The following ERCC6 variants were observed in gnomAD, a reference collection of about 807,000 sequenced individuals.
ERCC6 encodes DNA excision repair protein ERCC-6.
In ERCC6, 116 loss-of-function variants were observed where a neutral mutation model predicts 158.7. The ratio of observed to expected loss-of-function variants is 0.73; its 90% CI spans 0.63 to 0.85. ERCC6 has a LOEUF of 0.85. Among genes scored for constraint, ERCC6 ranks in the 40% least tolerant of loss-of-function variants. ERCC6 has a pLI of 0.00. For synonymous variants in ERCC6, 678 were observed against 659.3 expected (o/e 1.03, Z -0.43); for missense variants, 1,698 against 1,799.4 (o/e 0.94, Z 1.02).
At position 49,524,076 on chromosome 10, in the gene ERCC6, A is replaced by G. The variant is rs762176711; in HGVS notation, c.1354T>C (p.Tyr452His). Residue 452 changes from tyrosine (Y) to histidine (H), a missense_variant, in exon 5 of 21, where the codon TAC becomes CAC. Physicochemically the swap from Tyr to His is moderately conservative, Grantham distance 83. Coordinates refer to ENST00000355832, the MANE Select transcript of ERCC6 (RefSeq NM_000124.4). ...TAATCTTCATCTCCATCATCTCGGT[A>G]TCTTCCCACTTTCCGACCTCCTCCT... The part of the protein sequence containing the change: ...GGGGGRKVGR[Y>H]RDDGDEDYYK... 1.2e-6 allele frequency: 2 copies of G among 1,613,720 alleles called. No individual in the cohort carries two copies. Among genetic ancestry groups the G allele is most frequent in the African/African-American group, 1.3e-5 (1 of 74,884 alleles).
At chr10:49,515,933 T>A in intron 5 of ERCC6, 3 of 1,614,176 alleles carry the variant, frequency 1.9e-6, no homozygotes, top group Non-Finnish European at 2.5e-6. Flanking sequence ...TGCCTCTTTC[T>A]TTTTTCTTTA....
chr10:49,508,604 A>T (rs1851484182), intron 5 of ERCC6, among the ~76,000 whole-genome samples: 1 of 152,228 alleles, frequency 6.6e-6, no homozygotes, highest in Non-Finnish European at 1.5e-5. Context: ...TATTTGTATC[A>T]TTGTGAAGAC....
At chr10:49,486,018 C>T (rs1851072350) in intron 8 of ERCC6, among the ~76,000 whole-genome samples, 1 of 152,046 alleles carries the variant, frequency 6.6e-6, no homozygotes, top group South Asian at 2.1e-4. Context: ...AAAGGGCAGG[C>T]TTAGCAATGT....
chr10:49,472,887 TA>T (rs763535359), intron 15 of ERCC6, 21 bp downstream of exon 15: 564 of 1,505,396 alleles, frequency 3.7e-4, no homozygotes, highest in Admixed American at 8.9e-4. Context: ...TACATTCTTT[TA>T]AAAAAAAAAT....
At chr10:49,435,029 C>T in the ERCC6 span, among the ~76,000 whole-genome samples, 1 of 152,048 alleles carries the variant, frequency 6.6e-6, no homozygotes, top group African/African-American at 2.4e-5. Context: ...CAAAAGAGAA[C>T]AGTTCTAGCT....
chr10:49,512,033 A>G (rs1836830464), intron 5 of ERCC6, among the ~76,000 whole-genome samples: 1 of 152,218 alleles, frequency 6.6e-6, no homozygotes, highest in East Asian at 1.9e-4. Flanking sequence ...ATGCTATAAC[A>G]GTTGGCAGAT....
intron 1 of ERCC6, among the ~76,000 whole-genome samples, chr10:49,538,543 C>T (rs1196503676): frequency 6.6e-6 from 1 of 152,176 alleles, no homozygotes. Flanking sequence ...CATTTACAGG[C>T]GGCCTGCCTC....
At chr10:49,491,301 C>T (rs1454031766) in intron 8 of ERCC6, among the ~76,000 whole-genome samples, 1 of 152,130 alleles carries the variant, frequency 6.6e-6, no homozygotes, top group African/African-American at 2.4e-5. Context: ...TTTTGCCTAA[C>T]AGTTTACATC....
At chr10:49,501,082 T>TA (rs1304006447) in intron 6 of ERCC6, 1 of 254,868 alleles carries the variant, frequency 3.9e-6, no homozygotes, top group Admixed American at 5.2e-5. Flanking sequence ...AATTTTTCTA[T>TA]AAAAAAGGGG....
At chr10:49,466,437 G>C (rs1422726841) in intron 18 of ERCC6, among the ~76,000 whole-genome samples, 1 of 152,186 alleles carries the variant, frequency 6.6e-6, no homozygotes, top group East Asian at 1.9e-4. Context: ...AATGAAATTG[G>C]AGACAACAGT....
Position 49,473,200 on chromosome 10 carries a change from T to C in ERCC6, c.2710-172A>G, listed in dbSNP as rs574517515. ...AAATCTCATTTCACAGCTTTTACTT[T>C]TAATATTTAATAGAAATATTTAAAA... On this transcript the variant is annotated intron_variant, in intron 14 of 20. Coordinates refer to ENST00000355832, the MANE Select transcript of ERCC6 (RefSeq NM_000124.4). 9.2e-5 allele frequency among the ~76,000 whole-genome samples: 14 copies of C among 152,386 alleles called. No homozygotes were observed. In the South Asian group the frequency reaches 2.5e-3, roughly 27 times the overall value.
At chr10:49,451,642 T>G (rs960875411), downstream of ERCC6, among the ~76,000 whole-genome samples, 9 of 152,220 alleles carry the variant, frequency 5.9e-5, no homozygotes, top group African/African-American at 2.2e-4. Flanking sequence ...CATAATTATT[T>G]TTATATGTTG....
rs149914413 is a variant in ERCC6, at chr10:49,532,809, G to A, written c.156C>T (p.Asp52=). 83 of 1,614,170 alleles carry A rather than the reference G, an allele frequency of 5.1e-5. No homozygotes were observed. In the South Asian group the frequency reaches 5.9e-4, roughly 12 times the overall value. Residue 52 remains aspartate (D), a synonymous_variant, in exon 2 of 21, where the codon GAC becomes GAT. Coordinates refer to ENST00000355832, the MANE Select transcript of ERCC6 (RefSeq NM_000124.4). ...ACCCCACAGCAGAGGTGGACAGCCCGTCACCCACAGAACGAAAGGAGAGGT... is the reference window on the plus strand; with the variant it reads ...ACCCCACAGCAGAGGTGGACAGCCCATCACCCACAGAACGAAAGGAGAGGT... ...EEYLSFRSVG[D]GLSTSAVGCA...
intron 6 of ERCC6, chr10:49,501,404 T>A (rs1851352984): frequency 6.6e-6 from 1 of 152,160 alleles, no homozygotes; most frequent in Non-Finnish European, 1.5e-5. Context: ...TACGAAAAGA[T>A]CATAGCTATT....
In ERCC6 at chr10:49,483,523, C is replaced by T. The variant is rs1851019380; in HGVS notation, c.1822-7G>A. The T allele has an allele frequency of 2.5e-6, 4 of 1,613,646 alleles. No individual in the cohort carries two copies. In the Admixed American group the frequency reaches 6.7e-5, roughly 27 times the overall value. On this transcript the variant is annotated splice_region_variant and splice_polypyrimidine_tract_variant and intron_variant, in intron 8 of 20. Coordinates refer to ENST00000355832, the MANE Select transcript of ERCC6 (RefSeq NM_000124.4). ...CATCTCGAATTAGTTTCTCCTGAGACCACAATAAAATGGTAAAGTCAGTTT... is the reference window on the plus strand; with the variant it reads ...CATCTCGAATTAGTTTCTCCTGAGATCACAATAAAATGGTAAAGTCAGTTT...
Position 49,482,672 on chromosome 10 carries a change from A to T in ERCC6, c.2169+15T>A. 6.2e-7 allele frequency: 1 copy of T among 1,611,600 alleles called. No homozygotes were observed. Among genetic ancestry groups the T allele is most frequent in the Non-Finnish European group, 8.5e-7 (1 of 1,178,044 alleles). On this transcript the variant is annotated intron_variant, in intron 10 of 20. Transcript: ENST00000355832. ...ATATTAAAATGCCAAAAGTATTATC[A>T]TCCTAATATTTTACCTGTACTGGGG...
Position 49,471,007 on chromosome 10 carries a change from G to A in ERCC6, c.3038C>T (p.Ser1013Phe), listed in dbSNP as rs1850769649. The part of the protein sequence containing the change: ...ELFTLTSPDA[S>F]QSTETSAIFA... The stretch of plus-strand genomic sequence containing the variant: ...AATTGCACTTGTTTCAGTGCTCTGG[G>A]ATGCATCAGGACTAGTCAGAGTAAA... The change falls in exon 17 of 21, where the codon TCC (serine) becomes TTC (phenylalanine). Residue 1013 changes from serine to phenylalanine, a missense_variant. Physicochemically the swap from Ser to Phe is radical, Grantham distance 155. Coordinates refer to ENST00000355832, the MANE Select transcript of ERCC6 (RefSeq NM_000124.4). The A allele has an allele frequency of 6.2e-7, 1 of 1,613,928 alleles. No homozygotes were observed. The highest frequency in any genetic ancestry group is 1.7e-5 in the Admixed American group (1 of 59,988).
chr10:49,464,939 G>T (rs1210877823), intron 18 of ERCC6, among the ~76,000 whole-genome samples: 1 of 152,212 alleles, frequency 6.6e-6, no homozygotes, highest in Non-Finnish European at 1.5e-5. Context: ...GAAAATGTTG[G>T]GTTGGAGTCC....
intron 5 of ERCC6, among the ~76,000 whole-genome samples, chr10:49,523,228 A>T (rs1837218225): frequency 6.6e-6 from 1 of 152,242 alleles, no homozygotes; most frequent in Non-Finnish European, 1.5e-5. Context: ...GTGAGCTCTA[A>T]GTCAAGGAGA....
Sources: allele counts gnomAD v4.1 joint callset (sites outside exome capture counted in the v4.1 genomes callset), GRCh38; gene constraint gnomAD v4.1.1; transcripts MANE v1.5; gene names NCBI Gene and HGNC (gene_info 2026-07-23, HGNC 2026-07-21).